The following FNBP1 variants were observed in gnomAD, a reference collection of about 807,000 sequenced individuals.
The protein encoded by FNBP1 is formin binding protein 1, also known as formin-binding protein 1.
FNBP1 carries 26 observed loss-of-function variants against 90.6 expected under a neutral mutation model. The observed-to-expected ratio is 0.29, with a 90% CI of 0.21 to 0.40. The LOEUF (loss-of-function observed/expected upper bound fraction) is 0.40. Among genes scored for constraint, FNBP1 ranks in the 10% least tolerant of loss-of-function variants. FNBP1 has a pLI of 1.00. For missense variants in FNBP1, 635 were observed against 768.0 expected (o/e 0.83, Z 2.05); for synonymous variants, 260 against 265.2 (o/e 0.98, Z 0.19).
At chr9:129,947,440 C>CAAAAAAAAAAAAAAA (rs530714143) in intron 6 of FNBP1, among the ~76,000 whole-genome samples, 4 of 96,984 alleles carry the variant, frequency 4.1e-5, no homozygotes, top group African/African-American at 7.9e-5. Flanking sequence ...AACTCCGTCT[C>CAAAAAAAAAAAAAAA]AAAAAAAAAA....
At position 129,963,465 on chromosome 9, in the gene FNBP1, T is replaced by C. The variant is rs555864419; in HGVS notation, c.346-4912A>G. On this transcript the variant is annotated intron_variant, in intron 4 of 16. Coordinates refer to ENST00000446176, the MANE Select transcript of FNBP1 (RefSeq NM_015033.3). ...TGTGTTTAAGGCACGGTGTGCACCT[T>C]GAATTTACTGGTAAGTTATCTCTCA... 1.5e-4 allele frequency among the ~76,000 whole-genome samples: 23 copies of C among 152,254 alleles called. 1 individual carries two copies. In the East Asian group the frequency reaches 4.4e-3, roughly 29 times the overall value.
intron 1 of FNBP1, among the ~76,000 whole-genome samples, chr9:129,997,233 CAGG>C (rs772917293): frequency 1.3e-5 from 2 of 152,038 alleles, no homozygotes; most frequent in East Asian, 3.9e-4. Flanking sequence ...CTGAGGGAGG[CAGG>C]AGAATTGTTT....
At chr9:129,906,982 G>A (rs2038194041) in intron 12 of FNBP1, among the ~76,000 whole-genome samples, 1 of 152,002 alleles carries the variant, frequency 6.6e-6, no homozygotes, top group Admixed American at 6.6e-5. Context: ...GTTTCACCAT[G>A]TTGGCCAGGA....
intron 12 of FNBP1, among the ~76,000 whole-genome samples, chr9:129,908,581 CTTGCT>C (rs1475010732): frequency 6.6e-6 from 1 of 151,244 alleles, no homozygotes; most frequent in East Asian, 1.9e-4. Flanking sequence ...GAGACAGAGG[CTTGCT>C]CTGTTGCCCA....
chr9:130,002,421 A>G (rs2054999676), intron 1 of FNBP1, among the ~76,000 whole-genome samples: 1 of 152,108 alleles, frequency 6.6e-6, no homozygotes, highest in Non-Finnish European at 1.5e-5. Flanking sequence ...CAGATCCTTC[A>G]TGAATACCTT....
chr9:129,918,781 G>A (rs77157517), intron 10 of FNBP1, among the ~76,000 whole-genome samples: 2 of 151,546 alleles, frequency 1.3e-5, no homozygotes, highest in Admixed American at 6.6e-5. Context: ...TGTTTTATGC[G>A]TGAAATTCTG....
At chr9:129,939,160 G>A (rs952274783) in intron 6 of FNBP1, among the ~76,000 whole-genome samples, 13 of 152,028 alleles carry the variant, frequency 8.6e-5, no homozygotes, top group African/African-American at 1.5e-4. Flanking sequence ...AGGCTGAGGC[G>A]GGTGGATCAC....
rs1264549076 is a variant in FNBP1 at position 129,900,669 on chromosome 9, G to A, written c.1429-122C>T. ...GAGCATCCTAAGGTCCCAAACTCAG[G>A]GGCTACTCTTGGCCATTTAACCCAA... On this transcript the variant is annotated intron_variant, in intron 13 of 16. Transcript: ENST00000446176. This position sits in a 1 kb window ranked among gnomAD's most constrained non-coding sequence, Gnocchi z 4.1. The A allele has an allele frequency of 9.4e-7, 1 of 1,066,468 alleles. No homozygotes were observed. The highest frequency in any genetic ancestry group is 4.1e-5 in the Admixed American group (1 of 24,240). The allele number at this position is 1,066,468 out of a possible 1,614,324, so 66.1% of individuals were successfully genotyped here.
intron 6 of FNBP1, among the ~76,000 whole-genome samples, chr9:129,954,015 T>C (rs1479536582): frequency 6.6e-6 from 1 of 151,586 alleles, no homozygotes; most frequent in Non-Finnish European, 1.5e-5. Context: ...CCCATCTCTA[T>C]ATACAAAAAA....
intron 6 of FNBP1, among the ~76,000 whole-genome samples, chr9:129,937,345 T>C (rs931154223): frequency 4.6e-5 from 7 of 152,232 alleles, no homozygotes; most frequent in African/African-American, 4.8e-5. Context: ...GGTTAAATAT[T>C]ATGTCACACT....
At chr9:129,980,575 C>A (rs763604402) in intron 2 of FNBP1, among the ~76,000 whole-genome samples, 119 of 151,744 alleles carry the variant, frequency 7.8e-4, no homozygotes, top group Non-Finnish European at 1.6e-3. Context: ...CCAAAATCAT[C>A]CTAGTTTCCC....
chr9:130,011,243 A>AAAAAATAT (rs1554854971), intron 1 of FNBP1, among the ~76,000 whole-genome samples: 2 of 42,234 alleles, frequency 4.7e-5, no homozygotes, highest in African/African-American at 1.0e-4. Flanking sequence ...AAAAAAAAAA[A>AAAAAATAT]ATATATATAT....
At chr9:129,929,898 A>G (rs974219132) in intron 6 of FNBP1, among the ~76,000 whole-genome samples, 1 of 152,128 alleles carries the variant, frequency 6.6e-6, no homozygotes, top group African/African-American at 2.4e-5. Flanking sequence ...AACCTCCACC[A>G]TTCCCTACTG....
chr9:130,046,604 A>AAAAAAAC (rs2060061546), upstream of FNBP1, among the ~76,000 whole-genome samples: 1 of 113,314 alleles, frequency 8.8e-6, no homozygotes, highest in African/African-American at 3.2e-5. Flanking sequence ...AAAAAAAAAA[A>AAAAAAAC]CACCAAAAAA....
At chr9:130,022,351 C>T (rs577692342) in intron 1 of FNBP1, among the ~76,000 whole-genome samples, 24 of 151,728 alleles carry the variant, frequency 1.6e-4, no homozygotes, top group Non-Finnish European at 3.1e-4. Flanking sequence ...ATTACAGGCA[C>T]GCGCCAAGAT....
In FNBP1 at chr9:129,996,991, G is replaced by A. The variant is rs117123313; in HGVS notation, c.25-2033C>T. 6.7e-3 allele frequency among the ~76,000 whole-genome samples: 1,019 copies of A among 151,890 alleles called. 5 individuals are homozygous for A. The highest frequency in any genetic ancestry group is 0.011 in the Non-Finnish European group (750 of 67,934). ...ATTACAAGTGTGAGCCACTGCCTCCGGCCGGCCTGTTTTTTTTTAAAACCA... is the reference window on the plus strand; with the variant it reads ...ATTACAAGTGTGAGCCACTGCCTCCAGCCGGCCTGTTTTTTTTTAAAACCA... On this transcript the variant is annotated intron_variant, in intron 1 of 16. Coordinates refer to ENST00000446176, the MANE Select transcript of FNBP1 (RefSeq NM_015033.3).
At chr9:129,980,177 T>C (rs2050968045) in intron 2 of FNBP1, among the ~76,000 whole-genome samples, 1 of 151,196 alleles carries the variant, frequency 6.6e-6, no homozygotes. Flanking sequence ...CTGACCAACA[T>C]GGAGAAACCC....
intron 1 of FNBP1, among the ~76,000 whole-genome samples, chr9:129,996,426 T>G (rs2131341814): frequency 6.6e-6 from 1 of 152,176 alleles, no homozygotes; most frequent in African/African-American, 2.4e-5. Flanking sequence ...CATGGAAAAT[T>G]TGCTGCCTCC....
At chr9:129,945,543 A>G (rs969089331) in intron 6 of FNBP1, among the ~76,000 whole-genome samples, 5 of 152,356 alleles carry the variant, frequency 3.3e-5, no homozygotes, top group Non-Finnish European at 5.9e-5. Context: ...AAAATATTCA[A>G]TAGTACAATT....
Sources: allele counts gnomAD v4.1 joint callset (sites outside exome capture counted in the v4.1 genomes callset), GRCh38; gene constraint gnomAD v4.1.1; non-coding constraint Gnocchi (gnomAD v3.1); transcripts MANE v1.5; gene names NCBI Gene and HGNC (gene_info 2026-07-23, HGNC 2026-07-21).